The following CHMP1A variants were observed in gnomAD, a reference collection of about 807,000 sequenced individuals.
CHMP1A encodes charged multivesicular body protein 1A.
A neutral mutation model predicts 27.0 loss-of-function variants in CHMP1A; 17 were observed. That is an observed-to-expected ratio of 0.63 (90% CI 0.43 to 0.95). The LOEUF (loss-of-function observed/expected upper bound fraction) is 0.95, where lower values mean the gene tolerates loss of function less well. Among genes scored for constraint, CHMP1A ranks in the 40% least tolerant of loss-of-function variants. The pLI is 0.00. For synonymous variants in CHMP1A, 131 were observed against 107.5 expected (o/e 1.22, Z -1.35); for missense variants, 275 against 264.0 (o/e 1.04, Z -0.29).
chr16:89,654,019 A>C, intron 1 of CHMP1A, 96 bp from the exon 2 acceptor site: 1 of 1,302,542 alleles, frequency 7.7e-7, no homozygotes, highest in Non-Finnish European at 1.1e-6. Flanking sequence ...AGACACCAGG[A>C]GCTAGAACAC....
chr16:89,653,539 C>G (rs796196264), intron 2 of CHMP1A, among the ~76,000 whole-genome samples: 54 of 146,860 alleles, frequency 3.7e-4, no homozygotes, highest in African/African-American at 1.2e-3. Context: ...AGGAGAATCG[C>G]TTGAACCCGG....
intron 2 of CHMP1A, 93 bp from the exon 3 acceptor site, chr16:89,651,739 G>T: frequency 8.0e-7 from 1 of 1,244,760 alleles, no homozygotes; most frequent in Non-Finnish European, 1.1e-6. Context: ...CCACACCTGT[G>T]CCCACACAGG....
At chr16:89,653,547 CGG>C (rs929917826) in intron 2 of CHMP1A, among the ~76,000 whole-genome samples, 9 of 147,754 alleles carry the variant, frequency 6.1e-5, no homozygotes, top group African/African-American at 2.2e-4. Context: ...CGCTTGAACC[CGG>C]GAGGCAGAGG....
At chr16:89,647,475 A>G in intron 4 of CHMP1A, 144 bp from the exon 5 acceptor site, 1 of 718,812 alleles carries the variant, frequency 1.4e-6, no homozygotes, top group Non-Finnish European at 2.2e-6. Flanking sequence ...CTGAGCCATC[A>G]TCTGGGTCCT....
chr16:89,647,609 C>CTGCTGTGCCCT, intron 4 of CHMP1A, among the ~76,000 whole-genome samples: 1 of 130,814 alleles, frequency 7.6e-6, no homozygotes, highest in South Asian at 2.5e-4. Context: ...GACGTGGAGA[C>CTGCTGTGCCCT]CCAGTGCGGG....
rs1190033623 is a variant in CHMP1A, at chr16:89,645,221, A to T, written c.*845T>A. On this transcript the variant is annotated 3_prime_UTR_variant, in exon 7 of 7. Transcript: ENST00000397901. ...CGTCATGAAGCAGGGCCCCAAGGAA[A>T]GGTCCTCCGGGAGAACCAGGCTGCC... is the stretch of plus-strand genomic sequence containing the variant. The T allele has an allele frequency of 6.6e-6, 1 of 152,460 alleles. No individual in the cohort carries two copies. 9.4% of individuals were successfully genotyped at this position (152,460 alleles called of 1,614,324 possible).
intron 4 of CHMP1A, among the ~76,000 whole-genome samples, chr16:89,647,727 C>T (rs2059788763): frequency 2.7e-4 from 1 of 3,744 alleles, no homozygotes; most frequent in Non-Finnish European, 6.7e-4. Context: ...AGGCCGCCGA[C>T]GTGGGGACCC....
Position 89,651,559 on chromosome 16 carries a change from A to G in CHMP1A, c.105+10T>C. 1 of 1,613,188 alleles carries G rather than the reference A, an allele frequency of 6.2e-7. No homozygotes were observed. Among genetic ancestry groups the G allele is most frequent in the Non-Finnish European group, 8.5e-7 (1 of 1,179,350 alleles). On this transcript the variant is annotated intron_variant, in intron 3 of 6. Coordinates refer to ENST00000397901, the MANE Select transcript of CHMP1A (RefSeq NM_002768.5). Reference sequence around the variant, plus strand: ...GGAGAGTCATGACCCCACAGCCCCCAGGGTCTCACCTTCTTCACTTTGGCC... The same window carrying G: ...GGAGAGTCATGACCCCACAGCCCCCGGGGTCTCACCTTCTTCACTTTGGCC...
chr16:89,651,684 G>T, intron 2 of CHMP1A, 38 bp from the exon 3 acceptor site: 1 of 1,605,904 alleles, frequency 6.2e-7, no homozygotes, highest in Non-Finnish European at 8.5e-7. Flanking sequence ...CAGACATGCG[G>T]AGCCCATCCC....
chr16:89,651,977 G>A (rs566006943), intron 2 of CHMP1A, among the ~76,000 whole-genome samples: 2 of 152,324 alleles, frequency 1.3e-5, no homozygotes, highest in Non-Finnish European at 2.9e-5. Context: ...CTCTGATCTC[G>A]GCTCCTGCTT....
At chr16:89,651,253 C>A (rs190967880) in intron 3 of CHMP1A, among the ~76,000 whole-genome samples, 1 of 152,182 alleles carries the variant, frequency 6.6e-6, no homozygotes, top group Non-Finnish European at 1.5e-5. Context: ...AGCCTGTAAT[C>A]GCAGCTACGT....
At position 89,649,357 on chromosome 16, in the gene CHMP1A, C is replaced by G; in HGVS notation, c.246G>C (p.Met82Ile). 1 of 1,612,094 alleles carries G rather than the reference C, an allele frequency of 6.2e-7. No individual in the cohort carries two copies. Among genetic ancestry groups the G allele is most frequent in the South Asian group, 1.1e-5 (1 of 91,040 alleles). ...ACCAGGGCCCAGCACTCACCCCCTTCATAGTCACAGCTGTCTGCACCTTGG... is the reference window on the plus strand; with the variant it reads ...ACCAGGGCCCAGCACTCACCCCCTTGATAGTCACAGCTGTCTGCACCTTGG... The part of the protein sequence containing the change: ...VASKVQTAVT[M>I]KGVTKNMAQV... The change falls in exon 4 of 7, where the codon ATG (methionine) becomes ATC (isoleucine). Residue 82 changes from methionine (M) to isoleucine (I), a missense_variant. Transcript: ENST00000397901.
chr16:89,656,783 C>T (rs1283682911), intron 1 of CHMP1A, among the ~76,000 whole-genome samples: 1 of 152,072 alleles, frequency 6.6e-6, no homozygotes, highest in Non-Finnish European at 1.5e-5. Context: ...TGCCCTCTGA[C>T]CCGACATTCC....
At chr16:89,650,487 G>C (rs2059815659) in intron 3 of CHMP1A, among the ~76,000 whole-genome samples, 1 of 152,162 alleles carries the variant, frequency 6.6e-6, no homozygotes, top group East Asian at 1.9e-4. Context: ...CTAGACACCA[G>C]CTCTGTAGGG....
chr16:89,651,983 T>A (rs532978953), intron 2 of CHMP1A, among the ~76,000 whole-genome samples: 1 of 152,238 alleles, frequency 6.6e-6, no homozygotes. Flanking sequence ...TCTCGGCTCC[T>A]GCTTATGGAT....
chr16:89,654,159 TG>T (rs1476853893), intron 1 of CHMP1A, among the ~76,000 whole-genome samples: 1 of 152,214 alleles, frequency 6.6e-6, no homozygotes, highest in Non-Finnish European at 1.5e-5. Context: ...CCTCCCTCCC[TG>T]TTTCCTTGTT....
chr16:89,651,373 AAAAC>A lies in CHMP1A; in HGVS notation c.105+192_105+195del, dbSNP rs141950187. Among the ~76,000 whole-genome samples, 130,433 of 149,590 alleles carry A rather than the reference AAAAC, an allele frequency of 0.87. 57,106 individuals carry two copies. The highest frequency in any genetic ancestry group is 0.96 in the Middle Eastern group (281 of 292). On this transcript the variant is annotated intron_variant, in intron 3 of 6. Transcript: ENST00000397901. ...GCGACAGAGCAAGACTCCGTCTCAAAAAACAAACAAACAAACAAACAAACAAACA... is the reference window on the plus strand; with the variant it reads ...GCGACAGAGCAAGACTCCGTCTCAAAAAACAAACAAACAAACAAACAAACA...
rs2059768444 is a variant in CHMP1A, at chr16:89,645,767, C to A, written c.*299G>T. On this transcript the variant is annotated 3_prime_UTR_variant, in exon 7 of 7. Transcript: ENST00000397901. The stretch of plus-strand genomic sequence containing the variant: ...TGTCTGCTGCCCCAGAGTCTGAAGG[C>A]CCCCACAGTGCTGGGTGAAAGTCCA... 2 of 684,260 alleles carry A rather than the reference C, an allele frequency of 2.9e-6. No homozygotes were observed. The allele number at this position is 684,260 out of a possible 1,614,324, so 42.4% of individuals were successfully genotyped here.
chr16:89,646,655 G>C lies in CHMP1A; in HGVS notation c.441C>G (p.Asp147Glu), dbSNP rs377005313. Reference sequence around the variant, plus strand: ...CCTCGGCGATCTGCATGATGAGGCTGTCCACCTGCTCCTGCGGCGTGGTCA... The same window carrying C: ...CCTCGGCGATCTGCATGATGAGGCTCTCCACCTGCTCCTGCGGCGTGGTCA... ...TTLTTPQEQVDSLIMQIAEEN... is the reference protein window; with the variant it reads ...TTLTTPQEQVESLIMQIAEEN... Residue 147 changes from aspartate to glutamate, a missense_variant, in exon 6 of 7, where the codon GAC (aspartate) becomes GAG (glutamate). Asp to Glu is a conservative substitution (Grantham distance 45). Transcript: ENST00000397901. 1.9e-6 allele frequency: 3 copies of C among 1,610,852 alleles called. No homozygotes were observed. Among genetic ancestry groups the C allele is most frequent in the Non-Finnish European group, 8.5e-7 (1 of 1,179,146 alleles).
Sources: allele counts gnomAD v4.1 joint callset (sites outside exome capture counted in the v4.1 genomes callset), GRCh38; gene constraint gnomAD v4.1.1; transcripts MANE v1.5; gene names NCBI Gene and HGNC (gene_info 2026-07-23, HGNC 2026-07-21).